CD247: variants seen among roughly 807,000 people sequenced by gnomAD.
CD247 encodes T-cell surface glycoprotein CD3 zeta chain.
Under a neutral mutation model 30.0 loss-of-function variants are expected in CD247, and 13 were observed. The ratio of observed to expected loss-of-function variants is 0.43; its 90% CI spans 0.28 to 0.69. The LOEUF (loss-of-function observed/expected upper bound fraction) is 0.69, where lower values mean the gene tolerates loss of function less well. Ranked by LOEUF, CD247 falls within the 30% of genes least tolerant of loss-of-function variation. CD247 has a pLI of 0.16. For missense variants in CD247, 193 were observed against 212.6 expected (o/e 0.91, Z 0.57); for synonymous variants, 72 against 80.0 (o/e 0.90, Z 0.53).
At chr1:167,433,100 C>A in intron 6 of CD247, 41 bp from the exon 7 acceptor site, 1 of 1,610,374 alleles carries the variant, frequency 6.2e-7, no homozygotes, top group South Asian at 1.1e-5. Context: ...ATTAGAAAGT[C>A]AGGCAGTCAG....
intron 1 of CD247, among the ~76,000 whole-genome samples, chr1:167,460,749 C>G (rs1261398049): frequency 6.6e-6 from 1 of 152,174 alleles, no homozygotes; most frequent in African/African-American, 2.4e-5. Context: ...GCCCCCTGAC[C>G]CCCCGACAGG....
intron 1 of CD247, among the ~76,000 whole-genome samples, chr1:167,496,836 G>A (rs1310854078): frequency 1.3e-5 from 2 of 152,152 alleles, no homozygotes; most frequent in African/African-American, 2.4e-5. Flanking sequence ...TGGGTGACGT[G>A]TACCACATCA....
chr1:167,485,202 A>T (rs1654153036), intron 1 of CD247, among the ~76,000 whole-genome samples: 1 of 152,114 alleles, frequency 6.6e-6, no homozygotes. Context: ...GGAAGATCTA[A>T]GGGGGGCATT....
chr1:167,512,567 C>G (rs1655432666), intron 1 of CD247, among the ~76,000 whole-genome samples: 2 of 152,196 alleles, frequency 1.3e-5, no homozygotes, highest in South Asian at 4.1e-4. Flanking sequence ...CAAGTATACA[C>G]TGCAATGTAA....
rs544909423 is a variant in CD247, at chr1:167,467,199, T to A, written c.59-26432A>T. 3.9e-5 allele frequency among the ~76,000 whole-genome samples: 6 copies of A among 151,926 alleles called. No individual in the cohort carries two copies. The East Asian group carries it at 1.2e-3, about 30-fold the overall frequency. On this transcript the variant is annotated intron_variant, in intron 1 of 7. Coordinates refer to ENST00000362089, the MANE Select transcript of CD247 (RefSeq NM_198053.3). ...GCAACGGAAGATTTATTACAGATGC[T>A]CATTGCGGTGCACTTTTAAAATTTA...
intron 1 of CD247, among the ~76,000 whole-genome samples, chr1:167,507,392 C>A (rs1262341909): frequency 6.6e-6 from 1 of 152,106 alleles, no homozygotes; most frequent in Non-Finnish European, 1.5e-5. Context: ...GAGGACCCAG[C>A]AACTCAATAC....
intron 1 of CD247, among the ~76,000 whole-genome samples, chr1:167,490,906 C>T (rs1214434670): frequency 6.6e-6 from 1 of 151,748 alleles, no homozygotes; most frequent in Non-Finnish European, 1.5e-5. Context: ...CCACTACATT[C>T]CAGTCTGGGT....
At chr1:167,497,649 T>C (rs531641543) in intron 1 of CD247, among the ~76,000 whole-genome samples, 1 of 152,314 alleles carries the variant, frequency 6.6e-6, no homozygotes, top group Non-Finnish European at 1.5e-5. Flanking sequence ...GGATGCATCC[T>C]GGCACAACAG....
At chr1:167,455,759 C>G (rs937226103) in intron 1 of CD247, among the ~76,000 whole-genome samples, 12 of 152,208 alleles carry the variant, frequency 7.9e-5, no homozygotes, top group Non-Finnish European at 1.5e-4. Context: ...CGCCGGGCTC[C>G]GGCGCTGGGG....
rs1651269100 is a variant in CD247, at chr1:167,431,620, CTG to C, written c.*59_*60del. 7.5e-7 allele frequency: 1 copy of C among 1,335,028 alleles called. No homozygotes were observed. The highest frequency in any genetic ancestry group is 1.4e-5 in the African/African-American group (1 of 69,556). 82.7% of individuals were successfully genotyped at this position (1,335,028 alleles called of 1,614,324 possible). On this transcript the variant is annotated 3_prime_UTR_variant, in exon 8 of 8. Coordinates refer to ENST00000362089, the MANE Select transcript of CD247 (RefSeq NM_198053.3). ...TGAACCGGGTTGTAAATGCTTCATC[CTG>C]TGTCTCATAATCTGGGCGTCTGCAG... is the stretch of plus-strand genomic sequence containing the variant.
At chr1:167,436,165 C>G (rs77440112) in intron 4 of CD247, among the ~76,000 whole-genome samples, 1 of 152,244 alleles carries the variant, frequency 6.6e-6, no homozygotes, top group Non-Finnish European at 1.5e-5. Context: ...GTTCAACAAA[C>G]GAAATCAATA....
At chr1:167,456,014 C>T (rs1338026406) in intron 1 of CD247, among the ~76,000 whole-genome samples, 1 of 152,022 alleles carries the variant, frequency 6.6e-6, no homozygotes, top group Non-Finnish European at 1.5e-5. Context: ...CACCCCCCGC[C>T]CCCTCCCCCT....
intron 1 of CD247, among the ~76,000 whole-genome samples, chr1:167,441,564 C>T (rs188699814): frequency 6.6e-6 from 1 of 152,348 alleles, no homozygotes; most frequent in East Asian, 1.9e-4. Context: ...ACTCTCTGTT[C>T]CCTCTTCATG....
chr1:167,508,624 G>C (rs1031930224), intron 1 of CD247, among the ~76,000 whole-genome samples: 5 of 152,160 alleles, frequency 3.3e-5, no homozygotes, highest in Admixed American at 6.5e-5. Flanking sequence ...TTGAAGTGTT[G>C]ATAGTTAAGT....
intron 1 of CD247, among the ~76,000 whole-genome samples, chr1:167,462,575 C>G (rs1653071365): frequency 6.6e-6 from 1 of 152,198 alleles, no homozygotes. Context: ...GGGGGCCTGC[C>G]CTGGTCTAAG....
intron 1 of CD247, among the ~76,000 whole-genome samples, chr1:167,483,356 T>C (rs1389165901): frequency 6.6e-6 from 1 of 152,122 alleles, no homozygotes; most frequent in East Asian, 1.9e-4. Flanking sequence ...CAGTGTCCAG[T>C]GAAGAAAATC....
At chr1:167,452,980 G>A (rs1382519267) in intron 1 of CD247, among the ~76,000 whole-genome samples, 1 of 122,858 alleles carries the variant, frequency 8.1e-6, no homozygotes, top group Non-Finnish European at 1.8e-5. Context: ...TATACATAGA[G>A]AGCAATATGT....
intron 1 of CD247, among the ~76,000 whole-genome samples, chr1:167,484,755 G>A (rs890669505): frequency 2.6e-5 from 4 of 152,194 alleles, no homozygotes; most frequent in African/African-American, 4.8e-5. Context: ...CCAGCCCGGC[G>A]ACAGAGCGAG....
intron 1 of CD247, among the ~76,000 whole-genome samples, chr1:167,446,756 G>A (rs916769323): frequency 6.6e-6 from 1 of 152,230 alleles, no homozygotes; most frequent in African/African-American, 2.4e-5. Context: ...CACTTTGGGA[G>A]GCCGAGGCGG....
Sources: gnomAD v4.1 joint callset for allele counts (sites outside exome capture counted in the v4.1 genomes callset) on GRCh38, gnomAD v4.1.1 for gene constraint, MANE v1.5 for transcripts, NCBI Gene and HGNC (gene_info 2026-07-23, HGNC 2026-07-21) for gene names.